Variants in PRELID3A observed in about 807,000 individuals in gnomAD.
PRELID3A encodes the protein PRELI domain containing 3A.
PRELID3A carries 27 observed loss-of-function variants against 23.0 expected under a neutral mutation model. The observed-to-expected ratio is 1.17, with a 90% CI of 0.87 to 1.62. PRELID3A has a LOEUF of 1.62. PRELID3A is among the 40% of genes most tolerant of loss of function. The pLI, the probability that PRELID3A is intolerant of heterozygous loss-of-function variation, is 0.00. For missense variants in PRELID3A, 231 were observed against 231.4 expected (o/e 1.00, Z 0.01); for synonymous variants, 87 against 86.4 (o/e 1.01, Z -0.04).
intron 3 of PRELID3A, 62 bp from the exon 4 acceptor site, chr18:12,426,979 G>C: frequency 8.0e-7 from 1 of 1,253,178 alleles, no homozygotes; most frequent in Non-Finnish European, 1.2e-6. Flanking sequence ...GAAGAGTATG[G>C]GCAGTTGGCT....
In PRELID3A at chr18:12,429,208, A is replaced by C. The variant is rs1469508929; in HGVS notation, c.466-142A>C. 8.8e-6 allele frequency: 6 copies of C among 680,630 alleles called. No individual in the cohort carries two copies. The Admixed American group carries it at 1.1e-4, about 13-fold the overall frequency. 42.2% of individuals were successfully genotyped at this position (680,630 alleles called of 1,614,324 possible). A position where few individuals can be genotyped will look rare whatever the true frequency, so the allele number is the denominator to read the frequency against. On this transcript the variant is annotated intron_variant, in intron 5 of 6. Coordinates refer to ENST00000440960, the MANE Select transcript of PRELID3A (RefSeq NM_001142405.2). ...CTGGAGGAACTGCCTGCCTGTGTGA[A>C]GATCACTCGGAAAGGTCACTGCTGT... is the stretch of plus-strand genomic sequence containing the variant.
In PRELID3A at chr18:12,420,430, C is replaced by T. The variant is rs1598860069; in HGVS notation, c.138C>T (p.Arg46=). 1.3e-6 allele frequency: 2 copies of T among 1,587,002 alleles called. No individual in the cohort carries two copies. The highest frequency in any genetic ancestry group is 2.3e-5 in the South Asian group (2 of 87,426). The stretch of plus-strand genomic sequence containing the variant: ...TGCTACAGCGCCGCGTGGACGGCCG[C>T]GGCCGCCTGCACAGCTTGCGCCTGC... The part of the protein sequence containing the change: ...VDVLQRRVDG[R]GRLHSLRLLS... The change falls in exon 2 of 7, where the codon CGC becomes CGT. Residue 46 remains arginine, a synonymous_variant. Transcript: ENST00000440960.
chr18:12,417,005 C>A (rs894529297), intron 1 of PRELID3A, among the ~76,000 whole-genome samples: 5 of 152,040 alleles, frequency 3.3e-5, no homozygotes, highest in African/African-American at 1.2e-4. Flanking sequence ...TAGACTTTAT[C>A]ATTTTAGAGA....
intron 1 of PRELID3A, among the ~76,000 whole-genome samples, chr18:12,419,011 G>T (rs1045155630): frequency 6.6e-6 from 1 of 152,052 alleles, no homozygotes; most frequent in Non-Finnish European, 1.5e-5. Context: ...AACATAATGA[G>T]ACCTAAAAAA....
intron 1 of PRELID3A, among the ~76,000 whole-genome samples, chr18:12,412,009 C>A (rs949904241): frequency 1.8e-4 from 27 of 150,286 alleles, no homozygotes; most frequent in Admixed American, 1.6e-3. Flanking sequence ...CTCCCGGGTT[C>A]ACGCCATTCT....
rs145992750 is a variant in PRELID3A, at chr18:12,416,000, G to A, written c.33-4325G>A. On this transcript the variant is annotated intron_variant, in intron 1 of 6. Transcript: ENST00000440960. ...AACAGCAGCAGAGGAGGCTCCTGCCGCCTGGTTGGGGATCTCTGAGTAGGC... is the reference window on the plus strand; with the variant it reads ...AACAGCAGCAGAGGAGGCTCCTGCCACCTGGTTGGGGATCTCTGAGTAGGC... Among the ~76,000 whole-genome samples, 50 of 152,320 alleles carry A rather than the reference G, an allele frequency of 3.3e-4. No individual in the cohort carries two copies. The East Asian group carries it at 5.6e-3, about 17-fold the overall frequency.
At chr18:12,413,612 C>G (rs2029875476) in intron 1 of PRELID3A, among the ~76,000 whole-genome samples, 3 of 152,318 alleles carry the variant, frequency 2.0e-5, no homozygotes, top group Non-Finnish European at 2.9e-5. Flanking sequence ...AAGACAGAGT[C>G]TCACTCTGTC....
intron 1 of PRELID3A, among the ~76,000 whole-genome samples, chr18:12,413,467 C>T (rs1598855686): frequency 1.3e-5 from 2 of 152,280 alleles, no homozygotes; most frequent in Middle Eastern, 6.8e-3. Flanking sequence ...GAGTCTTTAA[C>T]CCAAGTATGA....
At chr18:12,414,797 T>G (rs191368567) in intron 1 of PRELID3A, among the ~76,000 whole-genome samples, 1 of 145,286 alleles carries the variant, frequency 6.9e-6, no homozygotes, top group East Asian at 2.1e-4. Context: ...GTGACAACAG[T>G]TATGTCTGGA....
Position 12,421,473 on chromosome 18 carries a change from G to A in PRELID3A, c.202-67G>A, listed in dbSNP as rs1276418224. ...AGTGAACTAATTAGTAAATGCAATG[G>A]TATTCGGTGGTGATATGAAGTAGAA... On this transcript the variant is annotated intron_variant, in intron 2 of 6. Coordinates refer to ENST00000440960, the MANE Select transcript of PRELID3A (RefSeq NM_001142405.2). The A allele has an allele frequency of 3.2e-6, 3 of 923,094 alleles. No homozygotes were observed. In the East Asian group the frequency reaches 7.2e-5, roughly 22 times the overall value. 57.2% of individuals were successfully genotyped at this position (923,094 alleles called of 1,614,324 possible). A position where few individuals can be genotyped will look rare whatever the true frequency, so the allele number is the denominator to read the frequency against.
At chr18:12,409,737 T>G (rs1909850946) in intron 1 of PRELID3A, among the ~76,000 whole-genome samples, 5 of 152,176 alleles carry the variant, frequency 3.3e-5, no homozygotes, top group Admixed American at 3.3e-4. Context: ...TAGAGGTTTG[T>G]GAAATGTCTG....
At chr18:12,408,093 G>T in intron 1 of PRELID3A, 86 bp downstream of exon 1, 1 of 1,136,160 alleles carries the variant, frequency 8.8e-7, no homozygotes, top group Non-Finnish European at 1.1e-6. Flanking sequence ...AGGAAAGGCC[G>T]GACCTCACAG....
At chr18:12,408,143 C>T (rs1909783368) in intron 1 of PRELID3A, 136 bp downstream of exon 1, 10 of 787,798 alleles carry the variant, frequency 1.3e-5, no homozygotes, top group Non-Finnish European at 1.5e-5. Flanking sequence ...CGGCCGTTCC[C>T]AGACCGCAAC....
chr18:12,429,542 C>A, intron 6 of PRELID3A, 106 bp downstream of exon 6: 1 of 663,166 alleles, frequency 1.5e-6, no homozygotes. Context: ...CTGCTGGTGG[C>A]TCTCCAGCCC....
chr18:12,421,171 G>T (rs893795937), intron 2 of PRELID3A: 5 of 229,192 alleles, frequency 2.2e-5, no homozygotes, highest in Non-Finnish European at 4.2e-5. Context: ...TGCTGCAGGG[G>T]CCTGCACCTG....
chr18:12,416,348 C>T (rs2029952347), intron 1 of PRELID3A, among the ~76,000 whole-genome samples: 1 of 152,172 alleles, frequency 6.6e-6, no homozygotes, highest in Non-Finnish European at 1.5e-5. Flanking sequence ...TTTGCTCTGT[C>T]ACCCAGGCTG....
rs556717912 is a variant in PRELID3A, at chr18:12,431,716, A to C, written c.*600A>C. ...CCCAAATGCCTTTCCTGGAGTGGCT[A>C]AGCCTCTCCTGACGAGGCTCCTCAT... On this transcript the variant is annotated 3_prime_UTR_variant, in exon 7 of 7. Transcript: ENST00000440960. 6.6e-6 allele frequency: 1 copy of C among 152,368 alleles called. No individual in the cohort carries two copies. The highest frequency in any genetic ancestry group is 1.5e-5 in the Non-Finnish European group (1 of 68,138). The allele number at this position is 152,368 out of a possible 1,614,324, so 9.4% of individuals were successfully genotyped here. A position where few individuals can be genotyped will look rare whatever the true frequency, so the allele number is the denominator to read the frequency against.
At chr18:12,409,571 G>T (rs370469665) in intron 1 of PRELID3A, among the ~76,000 whole-genome samples, 1 of 152,234 alleles carries the variant, frequency 6.6e-6, no homozygotes, top group East Asian at 1.9e-4. Flanking sequence ...CTAATTTTTT[G>T]TATGGCTTGC....
At chr18:12,430,602 GGT>G (rs1441105801) in intron 6 of PRELID3A, among the ~76,000 whole-genome samples, 1 of 150,274 alleles carries the variant, frequency 6.7e-6, no homozygotes, top group African/African-American at 2.5e-5. Flanking sequence ...GTATATGTGT[GGT>G]GTGTGTGTGC....
Sources: allele counts gnomAD v4.1 joint callset (sites outside exome capture counted in the v4.1 genomes callset), GRCh38; gene constraint gnomAD v4.1.1; transcripts MANE v1.5; gene names NCBI Gene and HGNC (gene_info 2026-07-23, HGNC 2026-07-21).